The following PCDHA9 variants were observed in gnomAD, a reference collection of about 807,000 sequenced individuals.
The protein encoded by PCDHA9 is protocadherin alpha-9.
A neutral mutation model predicts 62.0 loss-of-function variants in PCDHA9; 62 were observed. The observed-to-expected ratio is 1.00, with a 90% CI of 0.81 to 1.23. The LOEUF is 1.23. Among genes scored for constraint, PCDHA9 ranks in the 50% most tolerant of loss-of-function variants. The pLI is 0.00. For missense variants in PCDHA9, 1,205 were observed against 1,249.8 expected (o/e 0.96, Z 0.54); for synonymous variants, 557 against 567.6 (o/e 0.98, Z 0.27).
chr5:140,877,657 G>T (rs1554169952), intron 1 of PCDHA9: 2 of 1,613,570 alleles, frequency 1.2e-6, no homozygotes, highest in East Asian at 2.2e-5. Context: ...GCCGCCCACC[G>T]TGAGCCGGTG....
At chr5:140,943,136 T>A (rs1554215378) in intron 1 of PCDHA9, among the ~76,000 whole-genome samples, 1 of 151,240 alleles carries the variant, frequency 6.6e-6, no homozygotes, top group Non-Finnish European at 1.5e-5. Flanking sequence ...TGGGTGCCTG[T>A]AGTCCCAGCT....
intron 1 of PCDHA9, among the ~76,000 whole-genome samples, chr5:140,902,858 C>T (rs1275375548): frequency 6.6e-6 from 1 of 152,110 alleles, no homozygotes; most frequent in African/African-American, 2.4e-5. Context: ...AAATGGCGTC[C>T]AGGTCCACCC....
At chr5:140,864,300 T>C (rs889692315) in intron 1 of PCDHA9, 9 of 152,214 alleles carry the variant, frequency 5.9e-5, no homozygotes, top group Non-Finnish European at 1.2e-4. Flanking sequence ...TATTCAAAAA[T>C]ACCATGACAA....
chr5:140,869,401 G>T, intron 1 of PCDHA9: 1 of 1,614,222 alleles, frequency 6.2e-7, no homozygotes, highest in South Asian at 1.1e-5. Flanking sequence ...CGGGCAGAGC[G>T]CGGAGTGCAG....
chr5:140,871,525 A>T, intron 1 of PCDHA9: 1 of 1,546,090 alleles, frequency 6.5e-7, no homozygotes, highest in Non-Finnish European at 8.7e-7. Flanking sequence ...ACCTATCAGG[A>T]AGTGTATGTG....
intron 1 of PCDHA9, among the ~76,000 whole-genome samples, chr5:140,937,326 C>A (rs1287239556): frequency 2.0e-5 from 3 of 152,046 alleles, no homozygotes; most frequent in African/African-American, 7.2e-5. Flanking sequence ...CGTGAGCCAC[C>A]GCGCCCGGCT....
intron 1 of PCDHA9, among the ~76,000 whole-genome samples, chr5:140,915,326 T>C (rs2077071352): frequency 6.6e-6 from 1 of 152,196 alleles, no homozygotes; most frequent in Non-Finnish European, 1.5e-5. Flanking sequence ...TACAGTGTTA[T>C]AATATTCTGT....
At chr5:140,923,306 C>A (rs572766829) in intron 1 of PCDHA9, among the ~76,000 whole-genome samples, 1 of 152,216 alleles carries the variant, frequency 6.6e-6, no homozygotes, top group South Asian at 2.1e-4. Context: ...GGCGTGGGGG[C>A]GCTTGGCCTA....
In PCDHA9 at chr5:140,966,984, G is replaced by A. The variant is rs1217682338; in HGVS notation, c.2395-11965G>A. 4.4e-6 allele frequency: 7 copies of A among 1,603,802 alleles called. No individual in the cohort carries two copies. In the Admixed American group the frequency reaches 5.0e-5, roughly 11 times the overall value. Reference sequence around the variant, plus strand: ...CTGGGGCTTGAGCTGCGGCGCTTGGGGCCGGGTTGCTTGCGCATCAACCAT... The same window carrying A: ...CTGGGGCTTGAGCTGCGGCGCTTGGAGCCGGGTTGCTTGCGCATCAACCAT... On this transcript the variant is annotated intron_variant, in intron 1 of 3. Transcript: ENST00000532602.
chr5:140,899,653 T>C (rs1478658505), intron 1 of PCDHA9, among the ~76,000 whole-genome samples: 1 of 152,220 alleles, frequency 6.6e-6, no homozygotes, highest in African/African-American at 2.4e-5. Context: ...TATTTGGTTG[T>C]GTCTCTGCCC....
rs553967078 is a variant in PCDHA9, at chr5:140,856,258, C to T, written c.2394+5369C>T. 103 of 1,598,068 alleles carry T rather than the reference C, an allele frequency of 6.4e-5. 11 individuals carry two copies. The highest frequency in any genetic ancestry group is 2.7e-4 in the Admixed American group (16 of 59,260). On this transcript the variant is annotated intron_variant, in intron 1 of 3. Transcript: ENST00000532602. Reference sequence around the variant, plus strand: ...TGTTCCGGGTGGCGTCCAAAAGACACGGGGACCTTCTGGAGGTAAATCTGC... The same window carrying T: ...TGTTCCGGGTGGCGTCCAAAAGACATGGGGACCTTCTGGAGGTAAATCTGC...
chr5:140,856,580 G>A lies in PCDHA9; in HGVS notation c.2394+5691G>A, dbSNP rs537848812. 23 of 1,597,760 alleles carry A rather than the reference G, an allele frequency of 1.4e-5. 2 individuals carry two copies. In the South Asian group the frequency reaches 2.5e-4, roughly 18 times the overall value. On this transcript the variant is annotated intron_variant, in intron 1 of 3. Coordinates refer to ENST00000532602, the MANE Select transcript of PCDHA9 (RefSeq NM_031857.2). ...CAAACTCAGTCCAAATGAGTATTTT[G>A]TTCTTGATATTATAAACAAAAAAGA...
chr5:140,967,908 A>G (rs554849478), intron 1 of PCDHA9: 5 of 1,614,138 alleles, frequency 3.1e-6, no homozygotes, highest in East Asian at 2.2e-5. Flanking sequence ...GCTACACCCA[A>G]CACCATTGTG....
At chr5:140,853,596 A>G (rs2042799204) in intron 1 of PCDHA9, 1 of 986,974 alleles carries the variant, frequency 1.0e-6, no homozygotes, top group Non-Finnish European at 1.2e-6. Flanking sequence ...ACACTTTGAG[A>G]GCAAAGGGGG....
chr5:140,858,149 G>T, intron 1 of PCDHA9: 1 of 1,597,572 alleles, frequency 6.3e-7, no homozygotes, highest in Non-Finnish European at 8.6e-7. Flanking sequence ...CCTGATCATC[G>T]CCATCTGCGC....
intron 1 of PCDHA9, chr5:140,876,169 C>T (rs782706242): frequency 3.1e-6 from 5 of 1,613,798 alleles, no homozygotes; most frequent in Non-Finnish European, 4.2e-6. Context: ...AATAACCGTC[C>T]TGGATGTGAA....
chr5:140,869,323 C>G (rs1426806563), intron 1 of PCDHA9: 13 of 1,613,746 alleles, frequency 8.1e-6, no homozygotes, highest in Non-Finnish European at 1.0e-5. Flanking sequence ...ACATGGGGAC[C>G]TTCTGGAGGT....
At chr5:140,913,706 C>A (rs1431880255) in intron 1 of PCDHA9, among the ~76,000 whole-genome samples, 4 of 152,054 alleles carry the variant, frequency 2.6e-5, no homozygotes, top group Non-Finnish European at 5.9e-5. Context: ...CCAATGTAGG[C>A]AATTACAGCT....
intron 1 of PCDHA9, chr5:140,869,913 C>T (rs782111162): frequency 3.7e-6 from 6 of 1,610,754 alleles, no homozygotes; most frequent in Non-Finnish European, 5.1e-6. Flanking sequence ...CAGACCGAGA[C>T]GAAGGAGTCA....
Sources: allele counts gnomAD v4.1 joint callset (sites outside exome capture counted in the v4.1 genomes callset), GRCh38; gene constraint gnomAD v4.1.1; transcripts MANE v1.5; gene names NCBI Gene and HGNC (gene_info 2026-07-23, HGNC 2026-07-21).